DOCK9: variants seen among roughly 807,000 people sequenced by gnomAD.
DOCK9 encodes dedicator of cytokinesis protein 9.
DOCK9 carries 89 observed loss-of-function variants against 263.3 expected under a neutral mutation model. The observed-to-expected ratio is 0.34, with a 90% confidence interval of 0.28 to 0.40. The LOEUF (loss-of-function observed/expected upper bound fraction) is 0.40, where lower values mean the gene tolerates loss of function less well. Ranked by LOEUF, DOCK9 falls within the 10% of genes least tolerant of loss-of-function variation. The pLI is 1.00. For missense variants in DOCK9, 2,140 were observed against 2,603.4 expected (o/e 0.82, Z 3.87); for synonymous variants, 976 against 973.1 (o/e 1.00, Z -0.06).
rs368512761 is a variant in DOCK9 at position 98,955,507 on chromosome 13, G to A, written c.171C>T (p.Ile57=). 89 of 1,599,180 alleles carry A rather than the reference G, an allele frequency of 5.6e-5. No homozygotes were observed. In the African/African-American group the frequency reaches 9.1e-4, roughly 16 times the overall value. ...LIEPLDYENV[I]VQKKTQILND... ...TCAGGATCTGAGTCTTCTTCTGGAC[G>A]ATGACATTTTCATAGTCGAGTGGCT... Residue 57 remains isoleucine (I), a synonymous_variant, in exon 2 of 53, where the codon ATC becomes ATT. Coordinates refer to ENST00000682017, the MANE Select transcript of DOCK9 (RefSeq NM_001366683.2).
intron 34 of DOCK9, chr13:98,854,388 T>C (rs1032287835): frequency 6.6e-5 from 10 of 151,866 alleles, no homozygotes; most frequent in African/African-American, 2.2e-4. Context: ...TGGTGGCCAA[T>C]TGAAAAAAAA....
At chr13:99,014,389 A>C (rs545794453) in intron 1 of DOCK9, among the ~76,000 whole-genome samples, 2 of 152,210 alleles carry the variant, frequency 1.3e-5, no homozygotes, top group African/African-American at 4.8e-5. Flanking sequence ...TCCAACATAC[A>C]TAACACTGAC....
intron 44 of DOCK9, among the ~76,000 whole-genome samples, chr13:98,824,982 C>T (rs2092463844): frequency 6.6e-6 from 1 of 152,208 alleles, no homozygotes; most frequent in Admixed American, 6.5e-5. Context: ...ATGAGAGCTT[C>T]CCCACACAAC....
chr13:98,827,397 C>T lies in DOCK9; in HGVS notation c.4966-510G>A, dbSNP rs554505095. The stretch of plus-strand genomic sequence containing the variant: ...TTAATCTCAAATAGGTAACATTATA[C>T]GTATCTTAAATTGAAAGAAAAAAGA... On this transcript the variant is annotated intron_variant, in intron 43 of 52. Coordinates refer to ENST00000682017, the MANE Select transcript of DOCK9 (RefSeq NM_001366683.2). Among the ~76,000 whole-genome samples the T allele has an allele frequency of 4.6e-5, 7 of 152,308 alleles. No homozygotes were observed. The East Asian group carries it at 5.8e-4, about 13-fold the overall frequency.
intron 1 of DOCK9, among the ~76,000 whole-genome samples, chr13:99,052,203 G>A (rs1006107524): frequency 6.6e-6 from 1 of 152,176 alleles, no homozygotes; most frequent in Admixed American, 6.5e-5. Flanking sequence ...GGCCCTGCAA[G>A]GGGCAGTGGA....
intron 1 of DOCK9, among the ~76,000 whole-genome samples, chr13:99,057,724 G>T (rs928073975): frequency 3.9e-5 from 6 of 152,092 alleles, no homozygotes; most frequent in African/African-American, 1.4e-4. Context: ...CTTCCTTAAA[G>T]AAAAGCAATT....
chr13:98,895,934 T>C (rs2047361059), intron 15 of DOCK9, among the ~76,000 whole-genome samples: 1 of 152,166 alleles, frequency 6.6e-6, no homozygotes, highest in Non-Finnish European at 1.5e-5. Context: ...TGTCAGATAG[T>C]GACTGGGAAT....
At chr13:98,832,781 C>T (rs2140987746) in intron 39 of DOCK9, among the ~76,000 whole-genome samples, 1 of 152,264 alleles carries the variant, frequency 6.6e-6, no homozygotes, top group Admixed American at 6.5e-5. Flanking sequence ...GCATTCTGCA[C>T]AAGTAGGCAG....
At position 99,009,550 on chromosome 13, in the gene DOCK9, C is replaced by T. The variant is rs1461973337; in HGVS notation, c.130-53999G>A. ...AAGCCATGAGAACACCTAAGATAAT[C>T]AAGATCTGGCCTCTACTTTCCCTGC... On this transcript the variant is annotated intron_variant, in intron 1 of 32. Transcript: ENST00000427887. Among the ~76,000 whole-genome samples the T allele has an allele frequency of 3.3e-5, 5 of 152,172 alleles. No individual in the cohort carries two copies. The East Asian group carries it at 9.6e-4, about 29-fold the overall frequency.
At chr13:98,797,357 G>A (rs372611646) in intron 51 of DOCK9, 32 bp downstream of exon 51, 14 of 1,609,040 alleles carry the variant, frequency 8.7e-6, no homozygotes, top group South Asian at 7.7e-5. Context: ...ATCAATACTC[G>A]AAGAGAAAAA....
intron 1 of DOCK9, among the ~76,000 whole-genome samples, chr13:99,038,288 C>CCGCTTTTTTTTTTTTTTTTTTT (rs1888110933): frequency 3.5e-5 from 3 of 86,264 alleles, no homozygotes; most frequent in Non-Finnish European, 2.2e-5. Context: ...TTATGCCCCC[C>CCGCTTTTTTTTTTTTTTTTTTT]TTTTTTTTTT....
In DOCK9 at chr13:98,794,497, C is replaced by A; in HGVS notation, c.*129G>T. On this transcript the variant is annotated 3_prime_UTR_variant, in exon 53 of 53. Coordinates refer to ENST00000682017, the MANE Select transcript of DOCK9 (RefSeq NM_001366683.2). ...AAGTCTGTTAAGAAATAACGTTGTT[C>A]TTTATTTCCTTTCTCTCCCCTTCCC... 1 of 1,010,930 alleles carries A rather than the reference C, an allele frequency of 9.9e-7. No homozygotes were observed. Among genetic ancestry groups the A allele is most frequent in the Middle Eastern group, 2.9e-4 (1 of 3,390 alleles). 62.6% of individuals were successfully genotyped at this position (1,010,930 alleles called of 1,614,324 possible).
intron 1 of DOCK9, among the ~76,000 whole-genome samples, chr13:99,081,758 C>G (rs1026774583): frequency 6.6e-6 from 1 of 152,212 alleles, no homozygotes; most frequent in Admixed American, 6.5e-5. Context: ...CAACCCTGCT[C>G]AGGGAATTCT....
intron 7 of DOCK9, among the ~76,000 whole-genome samples, chr13:98,918,387 A>T (rs1422472994): frequency 6.6e-6 from 1 of 151,986 alleles, no homozygotes; most frequent in Non-Finnish European, 1.5e-5. Flanking sequence ...AGCTCCAGAA[A>T]GATCCACCGA....
chr13:98,864,868 C>T (rs532659735), intron 30 of DOCK9, among the ~76,000 whole-genome samples: 4 of 152,050 alleles, frequency 2.6e-5, no homozygotes, highest in East Asian at 1.9e-4. Flanking sequence ...TGAGTTCATG[C>T]GAGATCTGGT....
intron 52 of DOCK9, chr13:98,796,229 T>C: frequency 1.3e-6 from 2 of 1,585,272 alleles, no homozygotes; most frequent in Non-Finnish European, 1.7e-6. Flanking sequence ...CGTGTTAGCA[T>C]GGAGGAGAAA....
intron 1 of DOCK9, among the ~76,000 whole-genome samples, chr13:99,023,670 A>T (rs1276021859): frequency 6.6e-6 from 1 of 152,202 alleles, no homozygotes. Context: ...TTAAAAATAG[A>T]AAACCAACTT....
chr13:98,894,063 G>A lies in DOCK9; in HGVS notation c.1709+3425C>T, dbSNP rs2047021828. ...TGGGCTCCTTTCTGCCTGGCCACAG[G>A]CTTTCTGCTCCCATCACTTTCAAAT... On this transcript the variant is annotated intron_variant, in intron 15 of 52. Transcript: ENST00000682017. Among the ~76,000 whole-genome samples the A allele has an allele frequency of 2.6e-5, 4 of 152,242 alleles. No homozygotes were observed. The South Asian group carries it at 8.3e-4, about 32-fold the overall frequency.
chr13:98,995,766 G>A (rs533822838), intron 1 of DOCK9, among the ~76,000 whole-genome samples: 1 of 152,252 alleles, frequency 6.6e-6, no homozygotes, highest in East Asian at 1.9e-4. Context: ...GGGATTACAG[G>A]TGTGAGCCAC....
Sources: allele counts gnomAD v4.1 joint callset (sites outside exome capture counted in the v4.1 genomes callset), GRCh38; gene constraint gnomAD v4.1.1; transcripts MANE v1.5; gene names NCBI Gene and HGNC (gene_info 2026-07-23, HGNC 2026-07-21).